BRSK2: variants seen among roughly 807,000 people sequenced by gnomAD.
BRSK2 encodes the protein serine/threonine-protein kinase BRSK2.
A neutral mutation model predicts 83.3 loss-of-function variants in BRSK2; 19 were observed. That is an observed-to-expected ratio of 0.23 (90% CI 0.16 to 0.33). The LOEUF (loss-of-function observed/expected upper bound fraction) is 0.33. Among genes scored for constraint, BRSK2 ranks in the 10% least tolerant of loss-of-function variants. The pLI, the probability that BRSK2 is intolerant of heterozygous loss-of-function variation, is 1.00. For missense variants in BRSK2, 798 were observed against 1,042.3 expected (o/e 0.77, Z 3.23); for synonymous variants, 519 against 435.4 (o/e 1.19, Z -2.39).
At position 1,390,000 on chromosome 11, in the gene BRSK2, TCGG is replaced by T. The variant is rs3081415; in HGVS notation, c.-260_-258del. The T allele has an allele frequency of 0.057, 8,248 of 145,504 alleles. 311 individuals are homozygous for T. The highest frequency in any genetic ancestry group is 0.13 in the Middle Eastern group (37 of 284). The allele number at this position is 145,504 out of a possible 1,614,324, so 9.0% of individuals were successfully genotyped here. A position where few individuals can be genotyped will look rare whatever the true frequency, so the allele number is the denominator to read the frequency against. On this transcript the variant is annotated 5_prime_UTR_variant, in exon 1 of 20. Coordinates refer to ENST00000528841, the MANE Select transcript of BRSK2 (RefSeq NM_001256627.2). This position sits in a 1 kb window ranked among gnomAD's most constrained non-coding sequence, Gnocchi z 4.1. ...GGGCGCGGGGCGCGGGGCGCGGGCC[TCGG>T]CGGCGGCGGCGGCGGCGGCGGCGGA... is the stretch of plus-strand genomic sequence containing the variant.
intron 1 of BRSK2, among the ~76,000 whole-genome samples, chr11:1,420,127 G>C (rs562764207): frequency 2.6e-5 from 4 of 152,342 alleles, no homozygotes; most frequent in African/African-American, 9.6e-5. Flanking sequence ...CCGGAGGCTC[G>C]GTGTCCGTGC....
At chr11:1,426,218 GGGGA>G (rs1849196772) in intron 1 of BRSK2, among the ~76,000 whole-genome samples, 1 of 97,080 alleles carries the variant, frequency 1.0e-5, no homozygotes, top group Non-Finnish European at 2.1e-5. Flanking sequence ...AGCGGGCACT[GGGGA>G]TGTGTGTGGG....
In BRSK2 at chr11:1,443,398, C is replaced by T; in HGVS notation, c.628C>T (p.Leu210=). The part of the protein sequence containing the change: ...WSCGVILFAL[L]VGALPFDDDN... ...CTGCGGCGTCATCCTGTTCGCCTTG[C>T]TGGTGGTGAGACCCTGGCCCCCTCA... is the stretch of plus-strand genomic sequence containing the variant. Residue 210 remains leucine (L), a synonymous_variant, in exon 7 of 20, where the codon CTG becomes TTG. Transcript: ENST00000528841. 1 of 1,603,422 alleles carries T rather than the reference C, an allele frequency of 6.2e-7. No homozygotes were observed. The highest frequency in any genetic ancestry group is 8.5e-7 in the Non-Finnish European group (1 of 1,175,898).
chr11:1,393,913 G>T lies in BRSK2; in HGVS notation c.91+3538G>T, dbSNP rs370205130. On this transcript the variant is annotated intron_variant, in intron 1 of 19. Transcript: ENST00000528841. ...TGGGTCCTGGAGATGGGCCCCTGGA[G>T]ATGGGCCATGGAGATGGGTCCTGGA... Among the ~76,000 whole-genome samples the T allele has an allele frequency of 2.3e-4, 32 of 137,658 alleles. 1 individual carries two copies. Among genetic ancestry groups the T allele is most frequent in the Admixed American group, 9.7e-4 (13 of 13,470 alleles). 90.3% of individuals were successfully genotyped at this position (137,658 alleles called of 152,430 possible). A position where few individuals can be genotyped will look rare whatever the true frequency, so the allele number is the denominator to read the frequency against.
At position 1,460,657 on chromosome 11, in the gene BRSK2, C is replaced by T. The variant is rs1847362540; in HGVS notation, c.2145C>T (p.Ala715=). Reference sequence around the variant, plus strand: ...CTGGCCCTGGCCCCGGAGGGGACGCCGAGTACCCAACGGGCAAGGACACGG... The same window carrying T: ...CTGGCCCTGGCCCCGGAGGGGACGCTGAGTACCCAACGGGCAAGGACACGG... ...AAAGPGPGGD[A]EYPTGKDTAK... is the part of the protein sequence containing the mutation. Residue 715 remains alanine, a synonymous_variant, in exon 20 of 20, where the codon GCC becomes GCT. Coordinates refer to ENST00000528841, the MANE Select transcript of BRSK2 (RefSeq NM_001256627.2). The T allele has an allele frequency of 3.9e-6, 6 of 1,527,664 alleles. No homozygotes were observed. Among genetic ancestry groups the T allele is most frequent in the South Asian group, 1.2e-5 (1 of 83,660 alleles). 94.6% of individuals were successfully genotyped at this position (1,527,664 alleles called of 1,614,324 possible). A position where few individuals can be genotyped will look rare whatever the true frequency, so the allele number is the denominator to read the frequency against.
chr11:1,410,489 C>T (rs937732527), intron 1 of BRSK2: 14 of 985,364 alleles, frequency 1.4e-5, no homozygotes, highest in Admixed American at 6.1e-5. Flanking sequence ...CTGCTGTGTG[C>T]GATGGGTGCT....
At position 1,459,514 on chromosome 11, in the gene BRSK2, G is replaced by A. The variant is rs1847132888; in HGVS notation, c.1987+275G>A. On this transcript the variant is annotated intron_variant, in intron 19 of 19. Transcript: ENST00000528841. The stretch of plus-strand genomic sequence containing the variant: ...CAAGAAGGGGCTCCCAAGGCCTGAA[G>A]CCAGTGAGGGTCCCGCTGGTCCCAC... The A allele has an allele frequency of 8.0e-6, 4 of 500,710 alleles. No homozygotes were observed. In the South Asian group the frequency reaches 9.1e-5, roughly 11 times the overall value. 31.0% of individuals were successfully genotyped at this position (500,710 alleles called of 1,614,324 possible).
intron 15 of BRSK2, 30 bp downstream of exon 15, chr11:1,451,449 T>TACCTGACACCAGGCTGGC (rs762837749): frequency 1.9e-5 from 31 of 1,609,468 alleles, no homozygotes; most frequent in Non-Finnish European, 2.3e-5. Flanking sequence ...GGCCTCCTGG[T>TACCTGACACCAGGCTGGC]ACCTGACACC....
Position 1,451,189 on chromosome 11 carries a change from G to T in BRSK2, c.1496-182G>T, listed in dbSNP as rs1384746040. 7.2e-5 allele frequency among the ~76,000 whole-genome samples: 11 copies of T among 152,306 alleles called. No homozygotes were observed. The South Asian group carries it at 2.3e-3, about 32-fold the overall frequency. On this transcript the variant is annotated intron_variant, in intron 14 of 19. Coordinates refer to ENST00000528841, the MANE Select transcript of BRSK2 (RefSeq NM_001256627.2). ...GGGACAGCTCCCCTTAGCCTGGGGG[G>T]CGCCACTGCCAGTGGGCCTCTAAGG...
rs1429874038 is a variant in BRSK2 at position 1,461,913 on chromosome 11, C to A, written c.*1190C>A. ...TCTCTCTGTGGAGAAGCAGCTCCAC[C>A]TCTGGGGGGGCTCGGGGCAGAGGGG... On this transcript the variant is annotated 3_prime_UTR_variant, in exon 20 of 20. Coordinates refer to ENST00000528841, the MANE Select transcript of BRSK2 (RefSeq NM_001256627.2). The A allele has an allele frequency of 1.3e-5, 2 of 151,778 alleles. No homozygotes were observed. Among genetic ancestry groups the A allele is most frequent in the Admixed American group, 1.3e-4 (2 of 15,262 alleles). The allele number at this position is 151,778 out of a possible 1,614,324, so 9.4% of individuals were successfully genotyped here.
intron 1 of BRSK2, among the ~76,000 whole-genome samples, chr11:1,400,263 G>T (rs1311209422): frequency 6.6e-6 from 1 of 152,184 alleles, no homozygotes; most frequent in African/African-American, 2.4e-5. Context: ...GCTGGGAGCT[G>T]TTCCCAGGGG....
intron 1 of BRSK2, among the ~76,000 whole-genome samples, chr11:1,419,180 G>T (rs1848404963): frequency 2.0e-5 from 3 of 150,322 alleles, no homozygotes; most frequent in Admixed American, 2.0e-4. Context: ...GTGTTTGTGG[G>T]CTCTGCAGGT....
At position 1,409,853 on chromosome 11, in the gene BRSK2, C is replaced by A. The variant is rs61867657; in HGVS notation, c.91+19478C>A. On this transcript the variant is annotated intron_variant, in intron 1 of 19. Coordinates refer to ENST00000528841, the MANE Select transcript of BRSK2 (RefSeq NM_001256627.2). ...TCCAAAAGCAGAGGGAAGAGCCCTGCGTGCAGGTGGGGCGCTCATGGCGTC... is the reference window on the plus strand; with the variant it reads ...TCCAAAAGCAGAGGGAAGAGCCCTGAGTGCAGGTGGGGCGCTCATGGCGTC... 5 of 151,794 alleles carry A rather than the reference C, an allele frequency of 3.3e-5. No homozygotes were observed. The East Asian group carries it at 9.7e-4, about 29-fold the overall frequency. The allele number at this position is 151,794 out of a possible 1,614,324, so 9.4% of individuals were successfully genotyped here.
At chr11:1,398,254 G>T (rs1478946054) in intron 1 of BRSK2, among the ~76,000 whole-genome samples, 1 of 152,180 alleles carries the variant, frequency 6.6e-6, no homozygotes, top group Non-Finnish European at 1.5e-5. Flanking sequence ...GCTAGCATCG[G>T]GCCTCGTGTC....
At chr11:1,451,232 G>A in intron 14 of BRSK2, 139 bp from the exon 15 acceptor site, 1 of 936,222 alleles carries the variant, frequency 1.1e-6, no homozygotes, top group East Asian at 2.4e-5. Context: ...GAGCTGGGGT[G>A]GACCAGTGCC....
In BRSK2 at chr11:1,440,948, G is replaced by GC. The variant is rs772378248; in HGVS notation, c.413+26dup. ...CATATGGTGAGGCCCCACCCCTGGTGCCCCCCACTCCCCAGGGACCCCCAC... is the reference window on the plus strand; with the variant it reads ...CATATGGTGAGGCCCCACCCCTGGTGCCCCCCCACTCCCCAGGGACCCCCAC... On this transcript the variant is annotated intron_variant, in intron 4 of 19. Coordinates refer to ENST00000528841, the MANE Select transcript of BRSK2 (RefSeq NM_001256627.2). The GC allele has an allele frequency of 3.1e-5, 50 of 1,598,644 alleles. No individual in the cohort carries two copies. In the African/African-American group the frequency reaches 4.7e-4, roughly 15 times the overall value.
intron 1 of BRSK2, 137 bp from the exon 2 acceptor site, chr11:1,435,903 A>C: frequency 1.6e-6 from 1 of 609,086 alleles, no homozygotes; most frequent in South Asian, 2.2e-5. Context: ...CCAGGCGGGC[A>C]GGGGCCTCCG....
chr11:1,448,578 G>A (rs541249598), intron 12 of BRSK2, among the ~76,000 whole-genome samples: 41 of 152,142 alleles, frequency 2.7e-4, no homozygotes, highest in Admixed American at 2.2e-3. Context: ...TGTCTTCCTC[G>A]TGCCCAGTCA....
rs576539978 is a variant in BRSK2 at position 1,443,634 on chromosome 11, C to A, written c.779C>A (p.Thr260Lys). 1.3e-5 allele frequency: 20 copies of A among 1,595,602 alleles called. No homozygotes were observed. The highest frequency in any genetic ancestry group is 1.7e-5 in the Non-Finnish European group (20 of 1,170,820). ...MIEVDAARRL[T>K]LEHIQKHIWY... ...GAGGTGGACGCCGCACGCCGCCTCA[C>A]GGTGCGTGCCCTCGGAGCGGGGCGG... Residue 260 changes from threonine to lysine, a missense_variant and splice_region_variant, in exon 8 of 20, where the codon ACG becomes AAG. Around this residue, in one of 6 missense-constraint regions of BRSK2, gnomAD observed 145 missense variants for 225.4 expected, o/e 0.64. Transcript: ENST00000528841.
Sources: gnomAD v4.1 joint callset for allele counts (sites outside exome capture counted in the v4.1 genomes callset) on GRCh38, gnomAD v4.1.1 for gene constraint, gnomAD v4.1.1 regional missense constraint, Gnocchi (gnomAD v3.1) non-coding constraint, MANE v1.5 for transcripts, NCBI Gene and HGNC (gene_info 2026-07-23, HGNC 2026-07-21) for gene names.